SLC24A2: variants seen among roughly 807,000 people sequenced by gnomAD.
SLC24A2 encodes solute carrier family 24 member 2.
Under a neutral mutation model 62.0 loss-of-function variants are expected in SLC24A2, and 36 were observed. The ratio of observed to expected loss-of-function variants is 0.58; its 90% CI spans 0.44 to 0.77. The LOEUF (loss-of-function observed/expected upper bound fraction) is 0.77, where lower values mean the gene tolerates loss of function less well. SLC24A2 is among the 30% of genes least tolerant of loss of function. The pLI, the probability that SLC24A2 is intolerant of heterozygous loss-of-function variation, is 0.00. For missense variants in SLC24A2, 846 were observed against 817.9 expected (o/e 1.03, Z -0.42); for synonymous variants, 358 against 294.0 (o/e 1.22, Z -2.23).
intron 2 of SLC24A2, among the ~76,000 whole-genome samples, chr9:19,626,404 G>A (rs1818037384): frequency 6.6e-6 from 1 of 152,216 alleles, no homozygotes; most frequent in South Asian, 2.1e-4. Context: ...CAAAAGACAA[G>A]TGTGTAACTA....
intron 9 of SLC24A2, 82 bp from the exon 10 acceptor site, chr9:19,521,142 C>T (rs367894981): frequency 1.6e-6 from 2 of 1,234,930 alleles, no homozygotes; most frequent in South Asian, 1.3e-5. Context: ...ATGCGACCTC[C>T]TTTTAATGCA....
chr9:20,058,798 C>T, the SLC24A2 span, among the ~76,000 whole-genome samples: 3 of 152,180 alleles, frequency 2.0e-5, no homozygotes, highest in South Asian at 2.1e-4. Context: ...TACATGCATA[C>T]GTATGTGTGT....
chr9:20,152,615 G>A, the SLC24A2 span, among the ~76,000 whole-genome samples: 1 of 151,842 alleles, frequency 6.6e-6, no homozygotes, highest in African/African-American at 2.4e-5. Flanking sequence ...ACAACAAGCT[G>A]AAATCCAAAC....
At chr9:19,869,326 A>G in the SLC24A2 span, among the ~76,000 whole-genome samples, 1 of 152,052 alleles carries the variant, frequency 6.6e-6, no homozygotes, top group Non-Finnish European at 1.5e-5. Context: ...CTTGTTTCGT[A>G]TCTTCTGGCC....
At chr9:19,901,932 C>A in the SLC24A2 span, among the ~76,000 whole-genome samples, 1 of 152,100 alleles carries the variant, frequency 6.6e-6, no homozygotes, top group South Asian at 2.1e-4. Context: ...GACTGAGCTG[C>A]AATTGTTTGA....
intron 2 of SLC24A2, among the ~76,000 whole-genome samples, chr9:19,644,027 C>T (rs1818574712): frequency 6.6e-6 from 1 of 152,356 alleles, no homozygotes; most frequent in African/African-American, 2.4e-5. Context: ...GAATAATAAA[C>T]TGCATCTGAC....
the SLC24A2 span, among the ~76,000 whole-genome samples, chr9:20,031,290 C>T: frequency 1.5e-4 from 22 of 148,226 alleles, no homozygotes; most frequent in African/African-American, 5.4e-4. Context: ...TATATATACA[C>T]ATATATAAAA....
At chr9:19,718,119 G>A (rs1465672762) in intron 2 of SLC24A2, among the ~76,000 whole-genome samples, 1 of 151,184 alleles carries the variant, frequency 6.6e-6, no homozygotes, top group Non-Finnish European at 1.5e-5. Flanking sequence ...TGGGATTACA[G>A]GCACATGCTG....
chr9:19,673,296 C>G (rs1819469402), intron 2 of SLC24A2, among the ~76,000 whole-genome samples: 1 of 146,532 alleles, frequency 6.8e-6, no homozygotes, highest in South Asian at 2.2e-4. Context: ...TAATGTCCCT[C>G]TTTGTTCTTT....
the SLC24A2 span, among the ~76,000 whole-genome samples, chr9:19,973,148 G>A: frequency 2.0e-5 from 3 of 152,250 alleles, no homozygotes; most frequent in African/African-American, 7.2e-5. Flanking sequence ...GGCCAGCCTG[G>A]GCAACACAAT....
At chr9:19,752,342 G>A (rs1169665856) in intron 2 of SLC24A2, among the ~76,000 whole-genome samples, 1 of 152,126 alleles carries the variant, frequency 6.6e-6, no homozygotes, top group Admixed American at 6.5e-5. Context: ...CTTATGAGGT[G>A]ATGGACAGAT....
At chr9:19,572,836 A>C (rs1304206615) in intron 7 of SLC24A2, among the ~76,000 whole-genome samples, 1 of 152,192 alleles carries the variant, frequency 6.6e-6, no homozygotes, top group African/African-American at 2.4e-5. Context: ...AGAGAGTGTT[A>C]ATTTCAACCA....
the SLC24A2 span, among the ~76,000 whole-genome samples, chr9:19,811,327 T>C: frequency 6.6e-6 from 1 of 152,196 alleles, no homozygotes; most frequent in Non-Finnish European, 1.5e-5. Context: ...CTACCCAGTC[T>C]ATGGTACTTT....
At chr9:19,978,503 G>T in the SLC24A2 span, among the ~76,000 whole-genome samples, 1 of 151,964 alleles carries the variant, frequency 6.6e-6, no homozygotes, top group Non-Finnish European at 1.5e-5. Flanking sequence ...CAGGGTAGGG[G>T]ACAGGCAACA....
the SLC24A2 span, among the ~76,000 whole-genome samples, chr9:19,805,818 T>C: frequency 6.6e-6 from 1 of 151,230 alleles, no homozygotes; most frequent in Non-Finnish European, 1.5e-5. Flanking sequence ...CTCAAACACT[T>C]TCATGGGTCT....
At chr9:19,781,614 G>T (rs1173012257) in intron 2 of SLC24A2, among the ~76,000 whole-genome samples, 1 of 152,078 alleles carries the variant, frequency 6.6e-6, no homozygotes, top group African/African-American at 2.4e-5. Flanking sequence ...AACAAAATAA[G>T]GAAAATATCA....
At chr9:19,665,793 G>T (rs975918403) in intron 2 of SLC24A2, among the ~76,000 whole-genome samples, 1 of 152,024 alleles carries the variant, frequency 6.6e-6, no homozygotes, top group Non-Finnish European at 1.5e-5. Flanking sequence ...TTGTGTGTGT[G>T]TGTATGTGTA....
chr9:19,542,160 C>G (rs12551542), intron 8 of SLC24A2, among the ~76,000 whole-genome samples: 14 of 152,066 alleles, frequency 9.2e-5, no homozygotes, highest in Admixed American at 9.2e-4. Context: ...AGAAATCACC[C>G]GTCTTCTGCG....
At chr9:19,541,389 A>G (rs978955539) in intron 8 of SLC24A2, among the ~76,000 whole-genome samples, 32 of 151,912 alleles carry the variant, frequency 2.1e-4, no homozygotes, top group Admixed American at 9.2e-4. Flanking sequence ...TTTTCGGTGT[A>G]GATGTCCTTT....
Sources: allele counts gnomAD v4.1 joint callset (sites outside exome capture counted in the v4.1 genomes callset), GRCh38; gene constraint gnomAD v4.1.1; transcripts MANE v1.5; gene names NCBI Gene and HGNC (gene_info 2026-07-23, HGNC 2026-07-21).